The following GPC6 variants were observed in gnomAD, a reference collection of about 807,000 sequenced individuals.
GPC6 encodes glypican-6.
In GPC6, 14 loss-of-function variants were observed where a neutral mutation model predicts 55.2. The observed-to-expected ratio is 0.25, with a 90% confidence interval of 0.17 to 0.40. GPC6 has a LOEUF of 0.40. GPC6 is among the 10% of genes least tolerant of loss of function. GPC6 has a pLI of 1.00. For missense variants in GPC6, 641 were observed against 708.5 expected, an observed-to-expected ratio of 0.90 and a Z score of 1.08; for synonymous variants, 278 against 259.6, an observed-to-expected ratio of 1.07 and a Z score of -0.68.
chr13:94,022,510 A>C (rs1420324807), intron 3 of GPC6, among the ~76,000 whole-genome samples: 1 of 151,984 alleles, frequency 6.6e-6, no homozygotes, highest in East Asian at 1.9e-4. Flanking sequence ...TGTTATTTTC[A>C]TATCTTGGCT....
At chr13:93,682,059 G>A (rs948715249) in intron 2 of GPC6, among the ~76,000 whole-genome samples, 2 of 152,100 alleles carry the variant, frequency 1.3e-5, no homozygotes, top group Non-Finnish European at 2.9e-5. Flanking sequence ...ATAACTAGCA[G>A]TATTCTGAAA....
chr13:93,725,567 A>T (rs1269556697), intron 2 of GPC6, among the ~76,000 whole-genome samples: 3 of 152,068 alleles, frequency 2.0e-5, no homozygotes, highest in African/African-American at 7.2e-5. Context: ...GATTTCTCAG[A>T]GGGCCCCCAT....
chr13:93,925,938 G>A (rs1485445975), intron 3 of GPC6, among the ~76,000 whole-genome samples: 1 of 152,236 alleles, frequency 6.6e-6, no homozygotes, highest in African/African-American at 2.4e-5. Flanking sequence ...GACTGGACCA[G>A]TTGAAGGCTG....
chr13:93,623,455 C>CTTT (rs567830011), intron 2 of GPC6, among the ~76,000 whole-genome samples: 16 of 116,160 alleles, frequency 1.4e-4, no homozygotes, highest in African/African-American at 3.4e-4. Flanking sequence ...CTTTTCTTTT[C>CTTT]TTTTTTTTTT....
intron 2 of GPC6, among the ~76,000 whole-genome samples, chr13:93,603,720 A>C (rs931481212): frequency 2.0e-5 from 3 of 152,242 alleles, no homozygotes; most frequent in African/African-American, 7.2e-5. Flanking sequence ...GCATACATGC[A>C]TACAGGCAAA....
At chr13:94,102,000 G>A (rs945899303) in intron 4 of GPC6, among the ~76,000 whole-genome samples, 5 of 151,944 alleles carry the variant, frequency 3.3e-5, no homozygotes, top group Non-Finnish European at 7.4e-5. Flanking sequence ...TTTGCAAAAT[G>A]CATTTAAAAT....
chr13:93,395,801 T>C (rs1566334646), intron 1 of GPC6: 1 of 152,520 alleles, frequency 6.6e-6, no homozygotes, highest in Non-Finnish European at 1.5e-5. Context: ...TCTGCAGCTG[T>C]TCGGACTTTT....
intron 4 of GPC6, among the ~76,000 whole-genome samples, chr13:94,156,008 A>G (rs1887922951): frequency 6.6e-6 from 1 of 152,206 alleles, no homozygotes; most frequent in African/African-American, 2.4e-5. Context: ...CCAAAGAAGT[A>G]GGGTAGCATG....
At chr13:93,376,839 C>T (rs1874922330) in intron 1 of GPC6, among the ~76,000 whole-genome samples, 1 of 151,120 alleles carries the variant, frequency 6.6e-6, no homozygotes. Context: ...TGGCTGTGAC[C>T]AGTTTAGGCA....
intron 3 of GPC6, among the ~76,000 whole-genome samples, chr13:93,979,740 CAG>C (rs1880704325): frequency 6.6e-6 from 1 of 152,072 alleles, no homozygotes; most frequent in Non-Finnish European, 1.5e-5. Context: ...CTTGGAAAAT[CAG>C]AAAATTTTAA....
chr13:94,306,152 C>A lies in GPC6; in HGVS notation c.1152+29C>A, dbSNP rs758422839. 13 of 1,613,002 alleles carry A rather than the reference C, an allele frequency of 8.1e-6. No individual in the cohort carries two copies. The South Asian group carries it at 9.9e-5, about 12-fold the overall frequency. ...AGTATTCACAGATTGATAACCATGGCGGATGCTTTGTTTTACCAAGGTCAT... is the reference window on the plus strand; with the variant it reads ...AGTATTCACAGATTGATAACCATGGAGGATGCTTTGTTTTACCAAGGTCAT... On this transcript the variant is annotated intron_variant, in intron 6 of 8. Transcript: ENST00000377047.
At chr13:93,898,867 T>A (rs1219104126) in intron 3 of GPC6, among the ~76,000 whole-genome samples, 4 of 150,352 alleles carry the variant, frequency 2.7e-5, no homozygotes, top group African/African-American at 9.8e-5. Flanking sequence ...GTGAAAGAAG[T>A]TTCTGCAGTG....
chr13:93,470,032 A>T (rs2139326602), intron 1 of GPC6, among the ~76,000 whole-genome samples: 1 of 152,264 alleles, frequency 6.6e-6, no homozygotes, highest in African/African-American at 2.4e-5. Flanking sequence ...TTACAGGAAG[A>T]CTTGAAATTG....
chr13:94,208,326 T>A (rs1454547830), intron 4 of GPC6, among the ~76,000 whole-genome samples: 1 of 152,156 alleles, frequency 6.6e-6, no homozygotes, highest in African/African-American at 2.4e-5. Flanking sequence ...TTCAGAGTGT[T>A]GTTGACAACT....
At chr13:93,765,283 A>T (rs1885088544) in intron 2 of GPC6, among the ~76,000 whole-genome samples, 2 of 105,794 alleles carry the variant, frequency 1.9e-5, no homozygotes, top group South Asian at 3.0e-4. Flanking sequence ...ACAACTTTCC[A>T]GATAAGCTGT....
At chr13:94,096,685 T>C (rs1237242441) in intron 4 of GPC6, among the ~76,000 whole-genome samples, 2 of 152,132 alleles carry the variant, frequency 1.3e-5, no homozygotes, top group African/African-American at 4.8e-5. Flanking sequence ...CCATAATAGA[T>C]GGGAAGACTA....
chr13:93,519,378 T>C (rs1488212193), intron 1 of GPC6, among the ~76,000 whole-genome samples: 3 of 151,996 alleles, frequency 2.0e-5, no homozygotes, highest in Non-Finnish European at 4.4e-5. Flanking sequence ...TCCGTAAAAG[T>C]GGGGCAATTT....
At chr13:93,365,074 A>G (rs1366266702) in intron 1 of GPC6, among the ~76,000 whole-genome samples, 1 of 152,066 alleles carries the variant, frequency 6.6e-6, no homozygotes, top group Non-Finnish European at 1.5e-5. Flanking sequence ...CCCCCATGTC[A>G]ATGAAAAGTA....
intron 1 of GPC6, among the ~76,000 whole-genome samples, chr13:93,371,328 T>A (rs1232657562): frequency 1.3e-5 from 2 of 152,084 alleles, no homozygotes; most frequent in African/African-American, 2.4e-5. Flanking sequence ...ATAGGTTTAA[T>A]CAGCCAAATC....
Sources: gnomAD v4.1 joint callset for allele counts (sites outside exome capture counted in the v4.1 genomes callset) on GRCh38, gnomAD v4.1.1 for gene constraint, MANE v1.5 for transcripts, NCBI Gene and HGNC (gene_info 2026-07-23, HGNC 2026-07-21) for gene names.